FER: variants seen among roughly 807,000 people sequenced by gnomAD.
FER encodes the protein tyrosine-protein kinase Fer.
A neutral mutation model predicts 111.0 loss-of-function variants in FER; 63 were observed. That is an observed-to-expected ratio of 0.57 (90% CI 0.46 to 0.70). FER has a LOEUF of 0.70. Among genes scored for constraint, FER ranks in the 30% least tolerant of loss-of-function variants. The pLI, the probability that FER is intolerant of heterozygous loss-of-function variation, is 0.00. For missense variants in FER, 914 were observed against 954.0 expected, an observed-to-expected ratio of 0.96 and a Z score of 0.55; for synonymous variants, 327 against 313.9, an observed-to-expected ratio of 1.04 and a Z score of -0.44.
intron 13 of FER, among the ~76,000 whole-genome samples, chr5:109,015,778 A>T (rs189160894): frequency 1.3e-5 from 2 of 152,020 alleles, no homozygotes; most frequent in Non-Finnish European, 2.9e-5. Flanking sequence ...CCTTTTTTCA[A>T]CTTAAATTTT....
At chr5:109,020,710 C>T (rs951194529) in intron 13 of FER, among the ~76,000 whole-genome samples, 5 of 152,028 alleles carry the variant, frequency 3.3e-5, no homozygotes, top group African/African-American at 1.2e-4. Flanking sequence ...TGCCTTATGA[C>T]TTTGTTTTGT....
intron 10 of FER, among the ~76,000 whole-genome samples, chr5:108,942,395 A>T (rs938609818): frequency 6.6e-6 from 1 of 152,140 alleles, no homozygotes; most frequent in Non-Finnish European, 1.5e-5. Context: ...TTGGTTTCTA[A>T]TTTCATTATT....
At chr5:109,183,758 C>G (rs1012139171) in intron 18 of FER, among the ~76,000 whole-genome samples, 10 of 152,028 alleles carry the variant, frequency 6.6e-5, no homozygotes, top group Admixed American at 6.6e-5. Context: ...CAGCGAGACC[C>G]TGTCTCAAGA....
chr5:108,761,520 A>G (rs1199068698), intron 1 of FER, among the ~76,000 whole-genome samples: 1 of 152,216 alleles, frequency 6.6e-6, no homozygotes, highest in African/African-American at 2.4e-5. Flanking sequence ...AGATAGTAAT[A>G]TCAAAGATCA....
At chr5:109,031,373 G>A (rs1262152115) in intron 13 of FER, among the ~76,000 whole-genome samples, 1 of 152,074 alleles carries the variant, frequency 6.6e-6, no homozygotes, top group East Asian at 1.9e-4. Context: ...CTGTGGAAAG[G>A]AGCAGGGAGA....
intron 17 of FER, among the ~76,000 whole-genome samples, chr5:109,124,251 A>G (rs1048199919): frequency 2.6e-5 from 4 of 152,196 alleles, no homozygotes; most frequent in Admixed American, 6.5e-5. Context: ...AAAAGGGACA[A>G]AAAACTAGGT....
At chr5:108,756,797 GT>G (rs1002099785) in intron 1 of FER, among the ~76,000 whole-genome samples, 14 of 152,084 alleles carry the variant, frequency 9.2e-5, no homozygotes, top group African/African-American at 3.1e-4. Flanking sequence ...TTTTTGTTTT[GT>G]TTTTGTATAG....
intron 17 of FER, among the ~76,000 whole-genome samples, chr5:109,173,831 T>A (rs1031040251): frequency 1.3e-5 from 2 of 149,480 alleles, no homozygotes; most frequent in African/African-American, 2.5e-5. Context: ...ATTCTGAGCG[T>A]CCTGACAGGT....
intron 14 of FER, among the ~76,000 whole-genome samples, chr5:109,043,676 T>G (rs1371279085): frequency 6.6e-6 from 1 of 152,122 alleles, no homozygotes; most frequent in Non-Finnish European, 1.5e-5. Flanking sequence ...AAGTTTATTA[T>G]AAAATGTTTG....
At chr5:109,172,624 TAAAGTA>T (rs1370205360) in intron 17 of FER, among the ~76,000 whole-genome samples, 1 of 151,878 alleles carries the variant, frequency 6.6e-6, no homozygotes, top group Non-Finnish European at 1.5e-5. Context: ...CCCTAAAACT[TAAAGTA>T]TAATAATAAA....
intron 13 of FER, among the ~76,000 whole-genome samples, chr5:108,965,162 A>G (rs1171226098): frequency 6.6e-6 from 1 of 152,174 alleles, no homozygotes; most frequent in Non-Finnish European, 1.5e-5. Flanking sequence ...AAAAATTACA[A>G]AATGTTCTTT....
chr5:108,773,474 G>C (rs1328330675), intron 2 of FER, among the ~76,000 whole-genome samples: 1 of 152,126 alleles, frequency 6.6e-6, no homozygotes, highest in Admixed American at 6.6e-5. Context: ...ACGTTACTTT[G>C]CTGAGAATTA....
intron 5 of FER, among the ~76,000 whole-genome samples, chr5:108,850,476 A>T (rs1025785552): frequency 6.6e-6 from 1 of 152,134 alleles, no homozygotes; most frequent in African/African-American, 2.4e-5. Flanking sequence ...TTATCACTGT[A>T]CACCTTTAAG....
chr5:108,960,661 A>G (rs1351751330), intron 13 of FER, among the ~76,000 whole-genome samples: 3 of 152,046 alleles, frequency 2.0e-5, no homozygotes, highest in Non-Finnish European at 4.4e-5. Context: ...TCATGGCTTT[A>G]TTTACTATTT....
chr5:109,102,957 T>C (rs1309304778), intron 17 of FER, among the ~76,000 whole-genome samples: 3 of 152,136 alleles, frequency 2.0e-5, no homozygotes, highest in Non-Finnish European at 2.9e-5. Flanking sequence ...AGAATTTTAC[T>C]TGATGTAGAG....
At chr5:108,820,154 A>G (rs1758696793) in intron 3 of FER, 2 of 985,314 alleles carry the variant, frequency 2.0e-6, no homozygotes, top group African/African-American at 1.7e-5. Flanking sequence ...CAAATAGGCC[A>G]TTATTGTTTT....
intron 5 of FER, among the ~76,000 whole-genome samples, chr5:108,852,371 T>C (rs762634766): frequency 6.6e-6 from 1 of 152,220 alleles, no homozygotes; most frequent in African/African-American, 2.4e-5. Flanking sequence ...GTTAAATTTA[T>C]GTTTAAATAA....
At chr5:109,171,421 T>C (rs1253137459) in intron 17 of FER, among the ~76,000 whole-genome samples, 1 of 152,204 alleles carries the variant, frequency 6.6e-6, no homozygotes, top group Non-Finnish European at 1.5e-5. Context: ...TCTGTGGAAG[T>C]ATTTAGTGTA....
chr5:109,040,406 A>G (rs1227839430), intron 14 of FER, among the ~76,000 whole-genome samples: 1 of 152,128 alleles, frequency 6.6e-6, no homozygotes, highest in Non-Finnish European at 1.5e-5. Context: ...GCCAAGTAGG[A>G]GGCAGAAAAC....
Sources: gnomAD v4.1 joint callset for allele counts (sites outside exome capture counted in the v4.1 genomes callset) on GRCh38, gnomAD v4.1.1 for gene constraint, MANE v1.5 for transcripts, NCBI Gene and HGNC (gene_info 2026-07-23, HGNC 2026-07-21) for gene names.